INTS7: variants seen among roughly 807,000 people sequenced by gnomAD.
INTS7 encodes integrator complex subunit 7, also known as chromosome 1 open reading frame 73.
Under a neutral mutation model 109.2 loss-of-function variants are expected in INTS7, and 46 were observed. The observed-to-expected ratio is 0.42, with a 90% CI of 0.33 to 0.54. The LOEUF (loss-of-function observed/expected upper bound fraction) is 0.54. INTS7 is among the 20% of genes least tolerant of loss of function. The pLI is 0.07. For synonymous variants in INTS7, 412 were observed against 402.9 expected (o/e 1.02, Z -0.27); for missense variants, 929 against 1,132.4 (o/e 0.82, Z 2.58).
At chr1:211,956,283 T>C (rs1213519534) in intron 16 of INTS7, among the ~76,000 whole-genome samples, 1 of 152,242 alleles carries the variant, frequency 6.6e-6, no homozygotes, top group African/African-American at 2.4e-5. Flanking sequence ...ACTGTAGTTT[T>C]ATATTAAGTC....
intron 7 of INTS7, among the ~76,000 whole-genome samples, chr1:212,004,397 T>TA (rs911770282): frequency 2.4e-4 from 36 of 152,038 alleles, no homozygotes; most frequent in African/African-American, 8.5e-4. Context: ...ATGTGAAACA[T>TA]AAAGATATAT....
intron 7 of INTS7, among the ~76,000 whole-genome samples, chr1:211,994,945 A>G (rs1214869602): frequency 6.6e-6 from 1 of 152,010 alleles, no homozygotes; most frequent in African/African-American, 2.4e-5. Context: ...CTCAATGCAA[A>G]TATTATTTTT....
chr1:211,988,460 CA>C (rs1390916622), intron 7 of INTS7, among the ~76,000 whole-genome samples: 6 of 150,280 alleles, frequency 4.0e-5, no homozygotes, highest in African/African-American at 1.5e-4. Context: ...GTCAAACTTC[CA>C]AACTCTTTAG....
chr1:211,979,743 A>G (rs1185396520), intron 10 of INTS7, among the ~76,000 whole-genome samples: 7 of 152,172 alleles, frequency 4.6e-5, no homozygotes, highest in Admixed American at 3.9e-4. Context: ...CAAGTCTTTT[A>G]TAACAGCAGT....
At chr1:211,994,352 GATTA>G (rs1337602470) in intron 7 of INTS7, among the ~76,000 whole-genome samples, 3 of 151,592 alleles carry the variant, frequency 2.0e-5, no homozygotes, top group Non-Finnish European at 4.4e-5. Flanking sequence ...TATAAAAAAT[GATTA>G]ATTGACAACA....
chr1:211,971,915 CAAAAAAAAAAAAAA>C lies in INTS7; in HGVS notation c.1816-3222_1816-3209del, dbSNP rs745814699. On this transcript the variant is annotated intron_variant, in intron 13 of 19. Transcript: ENST00000366994. The stretch of plus-strand genomic sequence containing the variant: ...TGGTGACAAGAGTGAAACTCAGTCT[CAAAAAAAAAAAAAA>C]AAAAAAAGAAAAGAAAAGAAAAAGA... 9.9e-3 allele frequency among the ~76,000 whole-genome samples: 791 copies of C among 79,824 alleles called. 10 individuals carry two copies. The highest frequency in any genetic ancestry group is 0.036 in the African/African-American group (747 of 20,632). 52.4% of individuals were successfully genotyped at this position (79,824 alleles called of 152,430 possible). A position where few individuals can be genotyped will look rare whatever the true frequency, so the allele number is the denominator to read the frequency against.
intron 16 of INTS7, among the ~76,000 whole-genome samples, chr1:211,964,931 G>A (rs1311522472): frequency 6.6e-6 from 1 of 152,122 alleles, no homozygotes; most frequent in Admixed American, 6.5e-5. Flanking sequence ...AAAAGCAATT[G>A]CAACAAAAGC....
At position 211,978,622 on chromosome 1, in the gene INTS7, T is replaced by C. The variant is rs1043846354; in HGVS notation, c.1231-111A>G. On this transcript the variant is annotated intron_variant, in intron 10 of 19. Transcript: ENST00000366994. ...GGAAACTCAAGGGTGAGGTTTCTTGTAGGCATAACATTTTACTTCATAAGA... is the reference window on the plus strand; with the variant it reads ...GGAAACTCAAGGGTGAGGTTTCTTGCAGGCATAACATTTTACTTCATAAGA... The C allele has an allele frequency of 5.2e-6, 6 of 1,142,958 alleles. No homozygotes were observed. The South Asian group carries it at 6.1e-5, about 12-fold the overall frequency. 70.8% of individuals were successfully genotyped at this position (1,142,958 alleles called of 1,614,324 possible). A position where few individuals can be genotyped will look rare whatever the true frequency, so the allele number is the denominator to read the frequency against.
At chr1:212,025,278 A>G (rs2970586) in intron 1 of INTS7, among the ~76,000 whole-genome samples, 6,990 of 152,234 alleles carry the variant, frequency 0.046, 221 homozygotes, top group African/African-American at 0.083. Context: ...ACATTATGGA[A>G]GAGGCAAAAC....
At chr1:212,001,464 T>C (rs2102460019) in intron 7 of INTS7, among the ~76,000 whole-genome samples, 1 of 152,268 alleles carries the variant, frequency 6.6e-6, no homozygotes, top group East Asian at 1.9e-4. Context: ...TAAAAAAGAA[T>C]AATACAAATA....
At chr1:211,964,688 C>T (rs1663792065) in intron 16 of INTS7, among the ~76,000 whole-genome samples, 1 of 152,152 alleles carries the variant, frequency 6.6e-6, no homozygotes, top group Non-Finnish European at 1.5e-5. Context: ...ACCATCTGAT[C>T]TTTGACAAAG....
Position 211,941,983 on chromosome 1 carries a change from C to T in INTS7, c.2730G>A (p.Val910=). The T allele has an allele frequency of 1.9e-6, 3 of 1,614,154 alleles. No homozygotes were observed. Among genetic ancestry groups the T allele is most frequent in the Non-Finnish European group, 2.5e-6 (3 of 1,180,016 alleles). The change falls in exon 20 of 20, where the codon GTG becomes GTA. Residue 910 remains valine, a synonymous_variant. Coordinates refer to ENST00000366994, the MANE Select transcript of INTS7 (RefSeq NM_015434.4). ...TCCATACTATACCATTGGCATCTTT[C>T]ACAGAAGATTCCACTGTAATGTTGT... The part of the protein sequence containing the change: ...GTHNITVESS[V]KDANGIVWKT...
At chr1:212,033,423 G>A (rs182421063) in intron 1 of INTS7, among the ~76,000 whole-genome samples, 11 of 152,264 alleles carry the variant, frequency 7.2e-5, no homozygotes, top group South Asian at 2.1e-4. Context: ...AAACACTCAC[G>A]CCAGGCATTG....
chr1:212,008,663 T>G (rs1341607794), intron 5 of INTS7, among the ~76,000 whole-genome samples: 1 of 152,166 alleles, frequency 6.6e-6, no homozygotes, highest in Non-Finnish European at 1.5e-5. Context: ...AGAAGCATTT[T>G]GTATTAATAA....
rs17018248 is a variant in INTS7, at chr1:211,942,812, C to T, written c.2602-701G>A. 3.9e-5 allele frequency among the ~76,000 whole-genome samples: 6 copies of T among 152,130 alleles called. No homozygotes were observed. The highest frequency in any genetic ancestry group is 1.2e-4 in the African/African-American group (5 of 41,418). On this transcript the variant is annotated intron_variant, in intron 19 of 19. Transcript: ENST00000366994. This position sits in a 1 kb window ranked among gnomAD's most constrained non-coding sequence, Gnocchi z 4.2. Reference sequence around the variant, plus strand: ...CAAAGACCAGAATAAAACCTGCTGACGTACTCTTACCTGTACCCAAGATGA... The same window carrying T: ...CAAAGACCAGAATAAAACCTGCTGATGTACTCTTACCTGTACCCAAGATGA...
chr1:211,951,865 A>G (rs1347682680), intron 17 of INTS7, among the ~76,000 whole-genome samples: 1 of 152,192 alleles, frequency 6.6e-6, no homozygotes, highest in Non-Finnish European at 1.5e-5. Flanking sequence ...TCAGACAGGG[A>G]GGAGAAAATT....
intron 7 of INTS7, among the ~76,000 whole-genome samples, chr1:211,998,947 T>C (rs557371312): frequency 1.2e-4 from 18 of 152,194 alleles, no homozygotes; most frequent in Non-Finnish European, 2.1e-4. Flanking sequence ...AAAACCATGA[T>C]GAGATACCAC....
At chr1:212,018,236 T>C (rs1666525520) in intron 3 of INTS7, among the ~76,000 whole-genome samples, 1 of 152,204 alleles carries the variant, frequency 6.6e-6, no homozygotes, top group Non-Finnish European at 1.5e-5. Context: ...TAGAAAAATC[T>C]GATTTCAATC....
intron 16 of INTS7, among the ~76,000 whole-genome samples, chr1:211,953,040 T>TC (rs1486550806): frequency 2.0e-5 from 3 of 152,086 alleles, no homozygotes; most frequent in African/African-American, 7.2e-5. Context: ...GCAGATAAGC[T>TC]CCAAACCATC....
Sources: gnomAD v4.1 joint callset for allele counts (sites outside exome capture counted in the v4.1 genomes callset) on GRCh38, gnomAD v4.1.1 for gene constraint, Gnocchi (gnomAD v3.1) non-coding constraint, MANE v1.5 for transcripts, NCBI Gene and HGNC (gene_info 2026-07-23, HGNC 2026-07-21) for gene names.